NTN1: variants seen among roughly 807,000 people sequenced by gnomAD.
NTN1 encodes the protein netrin 1.
Under a neutral mutation model 54.2 loss-of-function variants are expected in NTN1, and 11 were observed. The ratio of observed to expected loss-of-function variants is 0.20; its 90% CI spans 0.13 to 0.34. The LOEUF (loss-of-function observed/expected upper bound fraction) is 0.34, where lower values mean the gene tolerates loss of function less well. Among genes scored for constraint, NTN1 ranks in the 10% least tolerant of loss-of-function variants. NTN1 has a pLI of 1.00. For missense variants in NTN1, 740 were observed against 893.1 expected (o/e 0.83, Z 2.18); for synonymous variants, 371 against 382.0 (o/e 0.97, Z 0.33).
intron 2 of NTN1, among the ~76,000 whole-genome samples, chr17:9,087,545 G>A (rs1458756524): frequency 6.6e-6 from 1 of 152,226 alleles, no homozygotes; most frequent in East Asian, 1.9e-4. Flanking sequence ...CAGTGGAGCT[G>A]AGAAGGGGGA....
intron 2 of NTN1, among the ~76,000 whole-genome samples, chr17:9,091,225 T>C (rs1426431340): frequency 2.0e-5 from 3 of 152,220 alleles, no homozygotes; most frequent in Admixed American, 2.0e-4. Context: ...TGGTAAAATA[T>C]ACATAACATA....
intron 2 of NTN1, among the ~76,000 whole-genome samples, chr17:9,086,770 T>C (rs1352025941): frequency 1.3e-5 from 2 of 152,156 alleles, no homozygotes; most frequent in East Asian, 1.9e-4. Context: ...TCCTGTCATC[T>C]TCACTGTCCT....
chr17:9,167,683 C>T (rs771632685), intron 3 of NTN1, among the ~76,000 whole-genome samples: 3 of 152,204 alleles, frequency 2.0e-5, no homozygotes, highest in East Asian at 1.9e-4. Flanking sequence ...TTTGCTAGGA[C>T]GTTCTTGCTA....
chr17:9,193,940 A>AACAAAAAAAAAAAAAAC (rs1904550841), intron 5 of NTN1, among the ~76,000 whole-genome samples: 1 of 141,852 alleles, frequency 7.0e-6, no homozygotes, highest in African/African-American at 2.7e-5. Context: ...AAAAAAAAAA[A>AACAAAAAAAAAAAAAAC]AAAACATTAT....
intron 2 of NTN1, among the ~76,000 whole-genome samples, chr17:9,160,328 C>T (rs2092353677): frequency 6.6e-6 from 1 of 152,070 alleles, no homozygotes; most frequent in African/African-American, 2.4e-5. Flanking sequence ...TGGTCTCAAA[C>T]TCCTGGCTCC....
the NTN1 span, among the ~76,000 whole-genome samples, chr17:9,015,524 G>A: frequency 1.3e-5 from 2 of 152,068 alleles, no homozygotes; most frequent in Non-Finnish European, 1.5e-5. Context: ...TTCTCTTCTT[G>A]TCCTCCCTCC....
At chr17:9,196,809 G>C (rs895496889) in intron 5 of NTN1, among the ~76,000 whole-genome samples, 2 of 152,204 alleles carry the variant, frequency 1.3e-5, no homozygotes, top group African/African-American at 2.4e-5. Flanking sequence ...TATTTGTAGA[G>C]ATCAGGAATG....
intron 2 of NTN1, among the ~76,000 whole-genome samples, chr17:9,028,592 A>G (rs1272533746): frequency 6.6e-6 from 1 of 152,254 alleles, no homozygotes; most frequent in African/African-American, 2.4e-5. Context: ...CTTTATGTCC[A>G]GAGTAAATAT....
intron 2 of NTN1, among the ~76,000 whole-genome samples, chr17:9,139,679 A>G (rs2092291768): frequency 6.6e-6 from 1 of 152,210 alleles, no homozygotes; most frequent in Non-Finnish European, 1.5e-5. Flanking sequence ...TCAGGGACTA[A>G]CCATAACTAT....
chr17:9,097,269 A>G (rs1178259241), intron 2 of NTN1, among the ~76,000 whole-genome samples: 1 of 152,178 alleles, frequency 6.6e-6, no homozygotes, highest in Non-Finnish European at 1.5e-5. Flanking sequence ...CACCCTGGAA[A>G]ATGTAACATT....
chr17:9,036,222 T>C (rs955914393), intron 2 of NTN1, among the ~76,000 whole-genome samples: 20 of 151,082 alleles, frequency 1.3e-4, no homozygotes, highest in African/African-American at 4.9e-4. Flanking sequence ...TGTACAAATT[T>C]ATATCTGTAT....
chr17:9,237,988 C>T (rs144388012), intron 6 of NTN1, among the ~76,000 whole-genome samples: 31 of 152,270 alleles, frequency 2.0e-4, no homozygotes, highest in African/African-American at 7.5e-4. Flanking sequence ...AATGAAAATA[C>T]GGGAAAATCC....
intron 2 of NTN1, among the ~76,000 whole-genome samples, chr17:9,144,577 A>C (rs1367047421): frequency 6.6e-6 from 1 of 152,112 alleles, no homozygotes; most frequent in African/African-American, 2.4e-5. Context: ...TGAGTGTTTT[A>C]TGGGCCTTAT....
At chr17:9,229,729 T>C (rs1436780142) in intron 6 of NTN1, among the ~76,000 whole-genome samples, 1 of 151,836 alleles carries the variant, frequency 6.6e-6, no homozygotes. Flanking sequence ...ATGTTGGTGG[T>C]AGCGGGTGGT....
Position 9,212,607 on chromosome 17 carries a change from C to T in NTN1, c.1412-8561C>T, listed in dbSNP as rs1905135050. Among the ~76,000 whole-genome samples, 1 of 152,188 alleles carries T rather than the reference C, an allele frequency of 6.6e-6. No individual in the cohort carries two copies. The highest frequency in any genetic ancestry group is 2.1e-4 in the South Asian group (1 of 4,832). Reference sequence around the variant, plus strand: ...CAGCCTTTCTCCCCTTAAACTCTTTCACCCTGGGCCAGGGAGAACCAGGGG... The same window carrying T: ...CAGCCTTTCTCCCCTTAAACTCTTTTACCCTGGGCCAGGGAGAACCAGGGG... On this transcript the variant is annotated intron_variant, in intron 5 of 6. Transcript: ENST00000173229. The surrounding 1 kb of genome is among the most constrained non-coding windows in gnomAD (Gnocchi z 5.5).
intron 2 of NTN1, among the ~76,000 whole-genome samples, chr17:9,115,542 A>G (rs1053690190): frequency 1.3e-5 from 2 of 152,240 alleles, no homozygotes; most frequent in Admixed American, 6.5e-5. Flanking sequence ...GAGGGATTTG[A>G]TAAATGCTCT....
chr17:9,025,362 T>A (rs1331751311), intron 2 of NTN1, among the ~76,000 whole-genome samples: 1 of 152,240 alleles, frequency 6.6e-6, no homozygotes, highest in African/African-American at 2.4e-5. Flanking sequence ...TTGACCTTTT[T>A]TTTTATTGGC....
chr17:9,193,499 G>C (rs1904523041), intron 5 of NTN1, among the ~76,000 whole-genome samples: 1 of 152,158 alleles, frequency 6.6e-6, no homozygotes, highest in South Asian at 2.1e-4. Flanking sequence ...ACATCTCAAT[G>C]TCATTATTAT....
At chr17:9,127,327 G>T (rs1043058311) in intron 2 of NTN1, among the ~76,000 whole-genome samples, 1 of 152,130 alleles carries the variant, frequency 6.6e-6, no homozygotes, top group Non-Finnish European at 1.5e-5. Flanking sequence ...GTGGAAGGCA[G>T]TGTCACCAGA....
Sources: allele counts gnomAD v4.1 joint callset (sites outside exome capture counted in the v4.1 genomes callset), GRCh38; gene constraint gnomAD v4.1.1; non-coding constraint Gnocchi (gnomAD v3.1); transcripts MANE v1.5; gene names NCBI Gene and HGNC (gene_info 2026-07-23, HGNC 2026-07-21).